Variants in NFIB observed in about 807,000 individuals in gnomAD.
The protein encoded by NFIB is nuclear factor I B, also known as nuclear factor 1 B-type.
In NFIB, 11 loss-of-function variants were observed where a neutral mutation model predicts 61.5. The ratio of observed to expected loss-of-function variants is 0.18; its 90% confidence interval spans 0.11 to 0.30. The LOEUF (loss-of-function observed/expected upper bound fraction) is 0.30, where lower values mean the gene tolerates loss of function less well. Among genes scored for constraint, NFIB ranks in the 10% least tolerant of loss-of-function variants. The pLI, the probability that NFIB is intolerant of heterozygous loss-of-function variation, is 1.00. For synonymous variants in NFIB, 260 were observed against 216.5 expected (o/e 1.20, Z -1.76); for missense variants, 471 against 608.9 (o/e 0.77, Z 2.38).
chr9:14,099,014 GC>G (rs2035316207), intron 10 of NFIB, among the ~76,000 whole-genome samples: 18 of 152,276 alleles, frequency 1.2e-4, no homozygotes, highest in Non-Finnish European at 1.6e-4. Context: ...CCTTGGCACT[GC>G]CATTTTCAGT....
chr9:14,124,109 C>A (rs895124065), intron 7 of NFIB, among the ~76,000 whole-genome samples: 1 of 152,144 alleles, frequency 6.6e-6, no homozygotes, highest in African/African-American at 2.4e-5. Context: ...CTAACACAGA[C>A]CCTAATATAC....
the NFIB span, among the ~76,000 whole-genome samples, chr9:14,407,820 G>C: frequency 6.6e-6 from 1 of 151,170 alleles, no homozygotes; most frequent in Non-Finnish European, 1.5e-5. Context: ...TGAGTAGCTG[G>C]GACTACAAGT....
upstream of NFIB, among the ~76,000 whole-genome samples, chr9:14,316,815 AAC>A (rs2060553863): frequency 6.6e-6 from 1 of 152,154 alleles, no homozygotes. Context: ...TACCAGCTTT[AAC>A]TACTGCAGTT....
chr9:14,408,793 G>T, the NFIB span, among the ~76,000 whole-genome samples: 7 of 152,124 alleles, frequency 4.6e-5, no homozygotes, highest in African/African-American at 1.7e-4. Context: ...CAAATACACA[G>T]TACTTATTAG....
intron 4 of NFIB, among the ~76,000 whole-genome samples, chr9:14,155,019 C>T (rs2043243623): frequency 6.6e-6 from 1 of 152,146 alleles, no homozygotes; most frequent in African/African-American, 2.4e-5. Flanking sequence ...AATAACATCA[C>T]TCCGAAGTGT....
At chr9:14,523,344 T>G in the NFIB span, among the ~76,000 whole-genome samples, 2 of 152,102 alleles carry the variant, frequency 1.3e-5, no homozygotes, top group Non-Finnish European at 2.9e-5. Flanking sequence ...AAATTATTTA[T>G]AAGCACGTAC....
At position 14,305,946 on chromosome 9, in the gene NFIB, T is replaced by G. The variant is rs1032461917; in HGVS notation, c.562+1043A>C. 1.1e-5 allele frequency: 14 copies of G among 1,321,808 alleles called. No individual in the cohort carries two copies. The South Asian group carries it at 1.2e-4, about 12-fold the overall frequency. 81.9% of individuals were successfully genotyped at this position (1,321,808 alleles called of 1,614,324 possible). Reference sequence around the variant, plus strand: ...GTATGCGGCTTTGTAAAATGATTGTTTTACTATGGATTGTTGGTAATGCAA... The same window carrying G: ...GTATGCGGCTTTGTAAAATGATTGTGTTACTATGGATTGTTGGTAATGCAA... On this transcript the variant is annotated intron_variant, in intron 2 of 10. Transcript: ENST00000380953.
At chr9:14,530,616 G>A in the NFIB span, among the ~76,000 whole-genome samples, 1 of 152,122 alleles carries the variant, frequency 6.6e-6, no homozygotes, top group African/African-American at 2.4e-5. Flanking sequence ...AGACGCCTAG[G>A]ATCAACAGCA....
the NFIB span, among the ~76,000 whole-genome samples, chr9:14,446,156 C>T: frequency 1.3e-5 from 2 of 152,198 alleles, no homozygotes; most frequent in Non-Finnish European, 2.9e-5. Context: ...AGGTAATTTC[C>T]TCATTTTGAT....
At chr9:14,172,768 T>C (rs2045710932) in intron 3 of NFIB, among the ~76,000 whole-genome samples, 1 of 152,018 alleles carries the variant, frequency 6.6e-6, no homozygotes, top group African/African-American at 2.4e-5. Context: ...GTATAAAAAT[T>C]CAACACTTTT....
chr9:14,528,031 C>T, the NFIB span, among the ~76,000 whole-genome samples: 1 of 151,838 alleles, frequency 6.6e-6, no homozygotes, highest in East Asian at 1.9e-4. Context: ...AAATACAGAC[C>T]GTAACATATA....
At chr9:14,185,582 C>G (rs2131500467) in intron 2 of NFIB, among the ~76,000 whole-genome samples, 1 of 152,228 alleles carries the variant, frequency 6.6e-6, no homozygotes, top group African/African-American at 2.4e-5. Context: ...CTATTATTGC[C>G]CTATTTAGCC....
At chr9:14,272,054 TTA>T (rs1439117176) in intron 2 of NFIB, among the ~76,000 whole-genome samples, 1 of 152,204 alleles carries the variant, frequency 6.6e-6, no homozygotes, top group Non-Finnish European at 1.5e-5. Context: ...CCAGTGGCCA[TTA>T]AAAAATTACA....
At chr9:14,411,506 A>T in the NFIB span, among the ~76,000 whole-genome samples, 1 of 152,152 alleles carries the variant, frequency 6.6e-6, no homozygotes, top group Non-Finnish European at 1.5e-5. Context: ...GCCCAATATA[A>T]GGGCACCTGG....
intron 1 of NFIB, among the ~76,000 whole-genome samples, chr9:14,359,411 A>G (rs1564029940): frequency 6.6e-6 from 1 of 152,206 alleles, no homozygotes; most frequent in Non-Finnish European, 1.5e-5. Flanking sequence ...ATGAGGAAGC[A>G]ATGGCCACAC....
the NFIB span, among the ~76,000 whole-genome samples, chr9:14,506,180 C>G: frequency 6.6e-6 from 1 of 151,992 alleles, no homozygotes; most frequent in South Asian, 2.1e-4. Context: ...ATGAATACAC[C>G]CAACTTCCCA....
the NFIB span, among the ~76,000 whole-genome samples, chr9:14,498,270 G>A: frequency 2.2e-3 from 329 of 152,298 alleles, 1 homozygote; most frequent in Middle Eastern, 0.031. Context: ...CTTCCCAAAT[G>A]TCTTAATTCT....
the NFIB span, among the ~76,000 whole-genome samples, chr9:14,530,275 G>C: frequency 3.1e-4 from 47 of 152,224 alleles, no homozygotes; most frequent in African/African-American, 1.0e-3. Flanking sequence ...TCTGCCAGTT[G>C]ATTTCACCAT....
chr9:14,419,835 G>C, the NFIB span, among the ~76,000 whole-genome samples: 1 of 152,126 alleles, frequency 6.6e-6, no homozygotes, highest in African/African-American at 2.4e-5. Context: ...CATATGAGGC[G>C]AACAATCCAT....
Sources: allele counts gnomAD v4.1 joint callset (sites outside exome capture counted in the v4.1 genomes callset), GRCh38; gene constraint gnomAD v4.1.1; transcripts MANE v1.5; gene names NCBI Gene and HGNC (gene_info 2026-07-23, HGNC 2026-07-21).